The following HTN3 variants were observed in gnomAD, a reference collection of about 807,000 sequenced individuals.
HTN3 encodes histatin 3.
In HTN3, 15 loss-of-function variants were observed where a neutral mutation model predicts 10.6. The ratio of observed to expected loss-of-function variants is 1.42; its 90% CI spans 0.95 to 2.18. HTN3 has a LOEUF of 2.18. Among genes scored for constraint, HTN3 ranks in the 30% most tolerant of loss-of-function variants. The pLI is 0.00. For missense variants in HTN3, 68 were observed against 58.0 expected, an observed-to-expected ratio of 1.17 and a Z score of -0.56; for synonymous variants, 15 against 16.9, an observed-to-expected ratio of 0.89 and a Z score of 0.27.
intron 5 of HTN3, among the ~76,000 whole-genome samples, chr4:70,035,653 A>T (rs1725498549): frequency 6.6e-6 from 1 of 152,230 alleles, no homozygotes; most frequent in Non-Finnish European, 1.5e-5. Flanking sequence ...ATATGGTAAC[A>T]ATGTCCTTTT....
Position 70,030,753 on chromosome 4 carries a change from GT to G in HTN3, c.18del (p.Phe6LeufsTer3). The stretch of plus-strand genomic sequence containing the variant: ...GACTCAGCCAACTATGAAGTTTTTT[GT>G]TTTTGCTTTAATCTTGGCTCTCATG... Reference protein sequence around the residue: MKFFVFALILALMLS... With the variant: MKFFXFALILALMLS... On this transcript the variant is annotated frameshift_variant, in exon 2 of 6. Coordinates refer to ENST00000673563, the MANE Select transcript of HTN3 (RefSeq NM_000200.3). LOFTEE classifies it high-confidence loss of function. The G allele has an allele frequency of 6.2e-7, 1 of 1,611,990 alleles. No homozygotes were observed. Among genetic ancestry groups the G allele is most frequent in the South Asian group, 1.1e-5 (1 of 91,046 alleles).
chr4:70,032,893 G>T (rs1449107060), intron 4 of HTN3, among the ~76,000 whole-genome samples: 3 of 152,074 alleles, frequency 2.0e-5, no homozygotes, highest in Non-Finnish European at 4.4e-5. Context: ...TTTAAAACCT[G>T]TTTGGAGAGG....
intron 5 of HTN3, among the ~76,000 whole-genome samples, chr4:70,035,372 A>G (rs138155280): frequency 5.5e-4 from 83 of 152,256 alleles, no homozygotes; most frequent in Admixed American, 2.0e-3. Context: ...CTCTTTATAG[A>G]ATTTGTAGGG....
chr4:70,030,904 T>A lies in HTN3; in HGVS notation c.51+113T>A, dbSNP rs1725370170. The stretch of plus-strand genomic sequence containing the variant: ...TGTTCACCTCAATACAGCTTTAATA[T>A]TTCTATGTAAAGATTTTCCTTGAAT... On this transcript the variant is annotated intron_variant, in intron 2 of 5. Coordinates refer to ENST00000673563, the MANE Select transcript of HTN3 (RefSeq NM_000200.3). 27 of 807,622 alleles carry A rather than the reference T, an allele frequency of 3.3e-5. 1 individual carries two copies. In the South Asian group the frequency reaches 3.6e-4, roughly 11 times the overall value. The allele number at this position is 807,622 out of a possible 1,614,324, so 50.0% of individuals were successfully genotyped here. A position where few individuals can be genotyped will look rare whatever the true frequency, so the allele number is the denominator to read the frequency against.
intron 4 of HTN3, 78 bp downstream of exon 4, chr4:70,032,185 T>C (rs997605206): frequency 9.9e-6 from 9 of 911,068 alleles, no homozygotes; most frequent in East Asian, 7.6e-5. Flanking sequence ...TAATTGATAG[T>C]TATCTCTCAA....
At position 70,031,995 on chromosome 4, in the gene HTN3, C is replaced by A. The variant is rs997257922; in HGVS notation, c.68C>A (p.Ala23Glu). 1 of 1,558,010 alleles carries A rather than the reference C, an allele frequency of 6.4e-7. No individual in the cohort carries two copies. The highest frequency in any genetic ancestry group is 2.3e-5 in the East Asian group (1 of 44,248). ...MLSMTGADSH[A>E]KRHHGYKRKF... Reference sequence around the variant, plus strand: ...TTTTCCAAGGGAGCTGATTCACATGCAAAGGTAAGACATTTTCATTTACTG... The same window carrying A: ...TTTTCCAAGGGAGCTGATTCACATGAAAAGGTAAGACATTTTCATTTACTG... The change falls in exon 3 of 6, where the codon GCA becomes GAA. Residue 23 changes from alanine to glutamate, a missense_variant. Ala to Glu is a moderately radical substitution (Grantham distance 107). Coordinates refer to ENST00000673563, the MANE Select transcript of HTN3 (RefSeq NM_000200.3).
At chr4:70,033,062 A>G (rs1393540087) in intron 4 of HTN3, 105 bp from the exon 5 acceptor site, 4 of 769,746 alleles carry the variant, frequency 5.2e-6, no homozygotes, top group Non-Finnish European at 8.8e-6. Context: ...ACGAGGTCAT[A>G]ACAACTTTAA....
intron 2 of HTN3, 65 bp downstream of exon 2, chr4:70,030,856 C>A: frequency 8.2e-7 from 1 of 1,222,194 alleles, no homozygotes; most frequent in Non-Finnish European, 1.2e-6. Flanking sequence ...CTTTCTTATT[C>A]CTTACGTTCT....
In HTN3 at chr4:70,033,245, A is replaced by T. The variant is rs757756984; in HGVS notation, c.*25A>T. On this transcript the variant is annotated 3_prime_UTR_variant, in exon 5 of 6. Transcript: ENST00000673563. ...ATATCTTCAGTAATCACGGGGCATG[A>T]TTATGGAGGTAAGCTGACTCTAGTT... 6.9e-5 allele frequency: 97 copies of T among 1,415,554 alleles called. No homozygotes were observed. Among genetic ancestry groups the T allele is most frequent in the Non-Finnish European group, 9.3e-5 (94 of 1,007,894 alleles). 87.7% of individuals were successfully genotyped at this position (1,415,554 alleles called of 1,614,324 possible).
chr4:70,033,242 A>G lies in HTN3; in HGVS notation c.*22A>G, dbSNP rs1725430778. Reference sequence around the variant, plus strand: ...TTGATATCTTCAGTAATCACGGGGCATGATTATGGAGGTAAGCTGACTCTA... The same window carrying G: ...TTGATATCTTCAGTAATCACGGGGCGTGATTATGGAGGTAAGCTGACTCTA... On this transcript the variant is annotated 3_prime_UTR_variant, in exon 5 of 6. Coordinates refer to ENST00000673563, the MANE Select transcript of HTN3 (RefSeq NM_000200.3). 3 of 1,442,274 alleles carry G rather than the reference A, an allele frequency of 2.1e-6. No individual in the cohort carries two copies. Among genetic ancestry groups the G allele is most frequent in the African/African-American group, 1.4e-5 (1 of 70,630 alleles). 89.3% of individuals were successfully genotyped at this position (1,442,274 alleles called of 1,614,324 possible). A position where few individuals can be genotyped will look rare whatever the true frequency, so the allele number is the denominator to read the frequency against.
rs563250875 is a variant in HTN3, at chr4:70,031,032, A to G, written c.51+241A>G. ...ATATAAAAATAAAAGAAAATTAAGC[A>G]AGCTTCATAAATATGTGGGACTGAG... is the stretch of plus-strand genomic sequence containing the variant. On this transcript the variant is annotated intron_variant, in intron 2 of 5. Transcript: ENST00000673563. 245 of 356,570 alleles carry G rather than the reference A, an allele frequency of 6.9e-4. 1 individual carries two copies. Among genetic ancestry groups the G allele is most frequent in the Non-Finnish European group, 9.8e-4 (194 of 197,050 alleles). The allele number at this position is 356,570 out of a possible 1,614,324, so 22.1% of individuals were successfully genotyped here. A position where few individuals can be genotyped will look rare whatever the true frequency, so the allele number is the denominator to read the frequency against.
At chr4:70,029,710 C>G (rs1263519552) in intron 1 of HTN3, among the ~76,000 whole-genome samples, 1 of 148,924 alleles carries the variant, frequency 6.7e-6, no homozygotes, top group Non-Finnish European at 1.5e-5. Context: ...TTTTTTATAT[C>G]AGCCGAAGAA....
Position 70,033,318 on chromosome 4 carries a change from AT to A in HTN3, c.*33+67del, listed in dbSNP as rs112849773. 8.3e-4 allele frequency: 640 copies of A among 771,266 alleles called. 3 individuals are homozygous for A. Among genetic ancestry groups the A allele is most frequent in the African/African-American group, 4.2e-3 (231 of 54,484 alleles). 47.8% of individuals were successfully genotyped at this position (771,266 alleles called of 1,614,324 possible). A position where few individuals can be genotyped will look rare whatever the true frequency, so the allele number is the denominator to read the frequency against. On this transcript the variant is annotated intron_variant, in intron 5 of 5. Coordinates refer to ENST00000673563, the MANE Select transcript of HTN3 (RefSeq NM_000200.3). The stretch of plus-strand genomic sequence containing the variant: ...ACACTGACAGTTAAAACAAGGAAAA[AT>A]TAAAAAAAAGCCATTAAGCCAACAA...
intron 4 of HTN3, 47 bp from the exon 5 acceptor site, chr4:70,033,120 T>C (rs1320847382): frequency 7.1e-7 from 1 of 1,409,852 alleles, no homozygotes; most frequent in Non-Finnish European, 9.9e-7. Flanking sequence ...TTTACTGTCA[T>C]TGCCTCTATT....
intron 2 of HTN3, 196 bp downstream of exon 2, chr4:70,030,987 A>G (rs1054293420): frequency 8.9e-6 from 4 of 451,290 alleles, no homozygotes; most frequent in African/African-American, 8.3e-5. Context: ...ACCTGCGAAC[A>G]CTCAAGTACA....
At chr4:70,030,648 G>T (rs1725362335) in intron 1 of HTN3, 80 bp from the exon 2 acceptor site, 3 of 954,214 alleles carry the variant, frequency 3.1e-6, no homozygotes, top group South Asian at 2.6e-5. Context: ...ATGCTTTGAA[G>T]CATAGTGTCA....
chr4:70,030,702 C>T (rs763715136), intron 1 of HTN3, 26 bp from the exon 2 acceptor site: 6 of 1,464,318 alleles, frequency 4.1e-6, no homozygotes, highest in East Asian at 4.5e-5. Flanking sequence ...AATGTGATTA[C>T]TGATTTTTCA....
chr4:70,032,184 G>T, intron 4 of HTN3, 77 bp downstream of exon 4: 1 of 915,166 alleles, frequency 1.1e-6, no homozygotes, highest in South Asian at 1.5e-5. Context: ...ATAATTGATA[G>T]TTATCTCTCA....
chr4:70,035,866 C>T (rs6600804), intron 5 of HTN3, among the ~76,000 whole-genome samples: 109,976 of 152,022 alleles, frequency 0.72, 40,675 homozygotes, highest in African/African-American at 0.88. Context: ...TCCTGCTCTT[C>T]GTGATATTAG....
Sources: gnomAD v4.1 joint callset for allele counts (sites outside exome capture counted in the v4.1 genomes callset) on GRCh38, gnomAD v4.1.1 for gene constraint, MANE v1.5 for transcripts, NCBI Gene and HGNC (gene_info 2026-07-23, HGNC 2026-07-21) for gene names.